Variants in MED13L observed in about 807,000 individuals in gnomAD.
The protein encoded by MED13L is mediator complex subunit 13L, also known as mediator of RNA polymerase II transcription subunit 13-like.
MED13L carries 7 observed loss-of-function variants against 220.9 expected under a neutral mutation model. The observed-to-expected ratio is 0.03, with a 90% confidence interval of 0.02 to 0.06. The LOEUF is 0.06. MED13L is among the 10% of genes least tolerant of loss of function. MED13L has a pLI of 1.00. For synonymous variants in MED13L, 1,011 were observed against 1,015.2 expected, an observed-to-expected ratio of 1.00 and a Z score of 0.08; for missense variants, 1,965 against 2,760.5, an observed-to-expected ratio of 0.71 and a Z score of 6.46.
At chr12:116,243,843 G>A (rs1338479583) in intron 1 of MED13L, among the ~76,000 whole-genome samples, 3 of 152,050 alleles carry the variant, frequency 2.0e-5, no homozygotes, top group Non-Finnish European at 4.4e-5. Flanking sequence ...GTACCTCAAG[G>A]CACCTCAGAT....
chr12:115,967,170 CAAAAAAAAAAA>C lies in MED13L; in HGVS notation c.6226-938_6226-928del, dbSNP rs34377158. The stretch of plus-strand genomic sequence containing the variant: ...TGAGCAACAGAGTGAGACTCTGTCT[CAAAAAAAAAAA>C]AAAAAAAAAAAAAAACCTTCTGTTT... On this transcript the variant is annotated intron_variant, in intron 28 of 30. Coordinates refer to ENST00000281928, the MANE Select transcript of MED13L (RefSeq NM_015335.5). 1.5e-4 allele frequency among the ~76,000 whole-genome samples: 7 copies of C among 45,246 alleles called. No individual in the cohort carries two copies. In the East Asian group the frequency reaches 2.5e-3, roughly 16 times the overall value. The allele number at this position is 45,246 out of a possible 152,430, so 29.7% of individuals were successfully genotyped here. A position where few individuals can be genotyped will look rare whatever the true frequency, so the allele number is the denominator to read the frequency against.
chr12:116,095,183 A>G (rs1006522964), intron 4 of MED13L, among the ~76,000 whole-genome samples: 1 of 152,190 alleles, frequency 6.6e-6, no homozygotes, highest in Non-Finnish European at 1.5e-5. Context: ...AGAAGTAAAA[A>G]TAAATGAAAG....
rs1322676390 is a variant in MED13L, at chr12:116,026,809, T to C, written c.480-4208A>G. 2.6e-5 allele frequency among the ~76,000 whole-genome samples: 4 copies of C among 152,152 alleles called. No individual in the cohort carries two copies. The South Asian group carries it at 8.3e-4, about 31-fold the overall frequency. On this transcript the variant is annotated intron_variant, in intron 4 of 30. Coordinates refer to ENST00000281928, the MANE Select transcript of MED13L (RefSeq NM_015335.5). ...ATTTATCCCATATATAAAACTATGG[T>C]ATAGAGTACAGATTATAGCACTGCT...
At chr12:115,963,325 T>TA in intron 30 of MED13L, 82 bp downstream of exon 30, 1 of 1,168,914 alleles carries the variant, frequency 8.6e-7, no homozygotes, top group South Asian at 1.3e-5. Flanking sequence ...ATACCACACT[T>TA]AGATTAAAAC....
At chr12:116,002,323 T>C (rs1878795871) in intron 14 of MED13L, among the ~76,000 whole-genome samples, 1 of 152,224 alleles carries the variant, frequency 6.6e-6, no homozygotes, top group African/African-American at 2.4e-5. Context: ...CCCTATGACA[T>C]GGTGGTTTTT....
At chr12:116,244,794 A>C (rs1870962039) in intron 1 of MED13L, among the ~76,000 whole-genome samples, 1 of 152,152 alleles carries the variant, frequency 6.6e-6, no homozygotes, top group Admixed American at 6.5e-5. Flanking sequence ...TCTACAAAAA[A>C]TTAAAAAATA....
intron 4 of MED13L, among the ~76,000 whole-genome samples, chr12:116,095,398 C>T (rs1176481401): frequency 6.6e-6 from 1 of 152,028 alleles, no homozygotes; most frequent in Non-Finnish European, 1.5e-5. Context: ...AGAAAACTTC[C>T]GGTCCCTAAT....
At chr12:116,251,349 A>G (rs1416831455) in intron 1 of MED13L, among the ~76,000 whole-genome samples, 1 of 115,346 alleles carries the variant, frequency 8.7e-6, no homozygotes, top group Admixed American at 1.1e-4. Context: ...TTTACTAGAG[A>G]TGGGGTTTCA....
chr12:116,056,669 TA>T (rs1868999563), intron 4 of MED13L, among the ~76,000 whole-genome samples: 1 of 152,230 alleles, frequency 6.6e-6, no homozygotes, highest in African/African-American at 2.4e-5. Context: ...TGTTTTCTCT[TA>T]ATTCTCCAAG....
intron 23 of MED13L, among the ~76,000 whole-genome samples, chr12:115,976,801 C>T (rs73196098): frequency 0.22 from 32,990 of 152,040 alleles, 4,044 homozygotes; most frequent in Middle Eastern, 0.33. Context: ...CTAACTTCTA[C>T]AAAAAAGAAA....
At chr12:116,103,790 T>C (rs17498459) in intron 3 of MED13L, among the ~76,000 whole-genome samples, 25,819 of 152,110 alleles carry the variant, frequency 0.17, 2,406 homozygotes, top group Middle Eastern at 0.27. Flanking sequence ...TAAAGACTCA[T>C]TCTCCTACTT....
At chr12:116,108,395 G>C (rs1353689577) in intron 3 of MED13L, among the ~76,000 whole-genome samples, 1 of 138,980 alleles carries the variant, frequency 7.2e-6, no homozygotes. Context: ...AAGAAAGGGG[G>C]GGGGGGCGCG....
At chr12:116,093,019 T>C (rs1872363193) in intron 4 of MED13L, among the ~76,000 whole-genome samples, 4 of 152,154 alleles carry the variant, frequency 2.6e-5, no homozygotes. Flanking sequence ...TTCCTAAAAA[T>C]GACATTCAAA....
At chr12:116,178,506 T>C (rs1442460851) in intron 2 of MED13L, among the ~76,000 whole-genome samples, 1 of 152,190 alleles carries the variant, frequency 6.6e-6, no homozygotes, top group African/African-American at 2.4e-5. Flanking sequence ...GCATAATCAT[T>C]TAAAATGAAA....
rs183878928 is a variant in MED13L, at chr12:115,974,530, T to G, written c.5731+641A>C. On this transcript the variant is annotated intron_variant, in intron 25 of 30. Transcript: ENST00000281928. The stretch of plus-strand genomic sequence containing the variant: ...CAGCACCAGGCAAGGCAGCTGCTGG[T>G]GGTCAGTTGTGTTGTGTTACAGTTA... Among the ~76,000 whole-genome samples the G allele has an allele frequency of 5.9e-5, 9 of 152,348 alleles. No individual in the cohort carries two copies. In the East Asian group the frequency reaches 1.7e-3, roughly 29 times the overall value.
chr12:116,205,532 G>GAA (rs34982320), intron 2 of MED13L, among the ~76,000 whole-genome samples: 11 of 94,030 alleles, frequency 1.2e-4, no homozygotes, highest in Middle Eastern at 6.2e-3. Flanking sequence ...CAAAGGAAGA[G>GAA]AAAAAAAAAA....
chr12:116,108,021 C>T (rs953727357), intron 3 of MED13L, among the ~76,000 whole-genome samples: 3 of 151,388 alleles, frequency 2.0e-5, no homozygotes, highest in African/African-American at 7.3e-5. Context: ...ACCTGGGAGG[C>T]GGAGGTTGCA....
chr12:116,141,120 A>G (rs1877032897), intron 2 of MED13L, among the ~76,000 whole-genome samples: 1 of 152,186 alleles, frequency 6.6e-6, no homozygotes, highest in African/African-American at 2.4e-5. Flanking sequence ...AATAAAATTA[A>G]CCTTCAAACC....
At chr12:116,138,961 C>T (rs1279318462) in intron 2 of MED13L, among the ~76,000 whole-genome samples, 1 of 152,160 alleles carries the variant, frequency 6.6e-6, no homozygotes, top group Non-Finnish European at 1.5e-5. Flanking sequence ...GGGTGATTCA[C>T]ACATTTGGTT....
Sources: gnomAD v4.1 joint callset for allele counts (sites outside exome capture counted in the v4.1 genomes callset) on GRCh38, gnomAD v4.1.1 for gene constraint, MANE v1.5 for transcripts, NCBI Gene and HGNC (gene_info 2026-07-23, HGNC 2026-07-21) for gene names.